AEN: variants seen among roughly 807,000 people sequenced by gnomAD.
AEN encodes the protein apoptosis-enhancing nuclease.
Under a neutral mutation model 17.7 loss-of-function variants are expected in AEN, and 21 were observed. The ratio of observed to expected loss-of-function variants is 1.19; its 90% CI spans 0.84 to 1.71. AEN has a LOEUF of 1.71. Among genes scored for constraint, AEN ranks in the 40% most tolerant of loss-of-function variants. The pLI, the probability that AEN is intolerant of heterozygous loss-of-function variation, is 0.00. For missense variants in AEN, 462 were observed against 435.9 expected (o/e 1.06, Z -0.53); for synonymous variants, 190 against 173.0 (o/e 1.10, Z -0.77).
chr15:88,606,271 C>T, the AEN span, among the ~76,000 whole-genome samples: 1 of 152,118 alleles, frequency 6.6e-6, no homozygotes, highest in South Asian at 2.1e-4. Context: ...TCTCTGTATG[C>T]CTTAATAGGA....
chr15:88,607,871 C>T, the AEN span, among the ~76,000 whole-genome samples: 1 of 152,116 alleles, frequency 6.6e-6, no homozygotes, highest in Non-Finnish European at 1.5e-5. Context: ...GCTTTTCTCT[C>T]CCATGTTACT....
chr15:88,607,257 C>T, the AEN span, among the ~76,000 whole-genome samples: 2 of 152,082 alleles, frequency 1.3e-5, no homozygotes, highest in East Asian at 1.9e-4. Context: ...TCCCCAGCAT[C>T]GCCTTCATAA....
chr15:88,625,075 G>A (rs988267194), intron 1 of AEN, among the ~76,000 whole-genome samples: 3 of 152,202 alleles, frequency 2.0e-5, no homozygotes, highest in Non-Finnish European at 2.9e-5. Context: ...AGCAATGAAC[G>A]ACAGCACCTC....
Position 88,629,352 on chromosome 15 carries a change from G to T in AEN, c.667G>T (p.Glu223Ter), listed in dbSNP as rs552611117. 1.2e-6 allele frequency: 2 copies of T among 1,613,942 alleles called. No homozygotes were observed. The highest frequency in any genetic ancestry group is 1.7e-5 in the Admixed American group (1 of 60,004). ...GACCTATGTCCCAAACTTCCTCAGC[G>T]AGCCCGGCCTCCACACCCGGGCCCG... Reference protein sequence around the residue: ...DTTYVPNFLSEPGLHTRARVS... With the variant: ...DTTYVPNFLS Residue 223 changes from glutamate to a stop codon, truncating the protein, a stop_gained, in exon 3 of 4, where the codon GAG becomes TAG. Transcript: ENST00000332810. LOFTEE classifies it high-confidence loss of function.
chr15:88,614,332 T>TCGG, the AEN span, among the ~76,000 whole-genome samples: 2 of 152,030 alleles, frequency 1.3e-5, no homozygotes, highest in African/African-American at 4.8e-5. Flanking sequence ...CCCGATCAGA[T>TCGG]GAGACTACAG....
chr15:88,613,241 C>G, the AEN span, among the ~76,000 whole-genome samples: 1 of 152,144 alleles, frequency 6.6e-6, no homozygotes, highest in Non-Finnish European at 1.5e-5. Flanking sequence ...TCACTTCTAC[C>G]CAGAGACTTT....
At chr15:88,629,592 C>T (rs1251329382) in intron 3 of AEN, among the ~76,000 whole-genome samples, 166 bp downstream of exon 3, 2 of 152,216 alleles carry the variant, frequency 1.3e-5, no homozygotes, top group Non-Finnish European at 2.9e-5. Context: ...GTACACGCAG[C>T]TCCAGGTGTT....
At chr15:88,610,208 G>A in the AEN span, among the ~76,000 whole-genome samples, 4 of 152,014 alleles carry the variant, frequency 2.6e-5, no homozygotes, top group Non-Finnish European at 5.9e-5. Flanking sequence ...ACCTTAGTTA[G>A]CATTGTTCTC....
intron 1 of AEN, among the ~76,000 whole-genome samples, chr15:88,622,089 G>T (rs983197555): frequency 4.6e-5 from 7 of 152,148 alleles, no homozygotes; most frequent in African/African-American, 1.7e-4. Context: ...CTGCCCTCTT[G>T]ATCAGCCAGC....
At position 88,630,984 on chromosome 15, in the gene AEN, T is replaced by G. The variant is rs1350264246; in HGVS notation, c.*690T>G. 1.0e-5 allele frequency: 4 copies of G among 387,038 alleles called. No homozygotes were observed. Among genetic ancestry groups the G allele is most frequent in the Non-Finnish European group, 2.1e-5 (4 of 186,252 alleles). The allele number at this position is 387,038 out of a possible 1,614,324, so 24.0% of individuals were successfully genotyped here. A position where few individuals can be genotyped will look rare whatever the true frequency, so the allele number is the denominator to read the frequency against. On this transcript the variant is annotated 3_prime_UTR_variant, in exon 4 of 4. Transcript: ENST00000332810. This position sits in a 1 kb window ranked among gnomAD's most constrained non-coding sequence, Gnocchi z 5.1. ...CACAGGCTTCTCGTGGGGAGTTGGCTCCTTAACATTTCTTGGCAACAGAAA... is the reference window on the plus strand; with the variant it reads ...CACAGGCTTCTCGTGGGGAGTTGGCGCCTTAACATTTCTTGGCAACAGAAA...
chr15:88,607,430 G>A, the AEN span, among the ~76,000 whole-genome samples: 1 of 152,312 alleles, frequency 6.6e-6, no homozygotes, highest in Non-Finnish European at 1.5e-5. Context: ...AAAGGCAGCT[G>A]TAACATTCTC....
chr15:88,610,858 G>A, the AEN span, among the ~76,000 whole-genome samples: 1 of 152,214 alleles, frequency 6.6e-6, no homozygotes, highest in Non-Finnish European at 1.5e-5. Context: ...GCTAATTAAG[G>A]AGCGGATGTG....
upstream of AEN, among the ~76,000 whole-genome samples, chr15:88,617,665 A>G (rs1225934521): frequency 6.6e-6 from 1 of 151,566 alleles, no homozygotes; most frequent in Non-Finnish European, 1.5e-5. Context: ...CCCCACCTCA[A>G]CCCCGTCTCT....
chr15:88,622,197 A>G (rs923918927), intron 1 of AEN, among the ~76,000 whole-genome samples: 1 of 151,630 alleles, frequency 6.6e-6, no homozygotes, highest in Non-Finnish European at 1.5e-5. Flanking sequence ...TCTTTAGGCC[A>G]GACCCCCTCC....
At chr15:88,612,447 C>A in the AEN span, among the ~76,000 whole-genome samples, 17 of 152,162 alleles carry the variant, frequency 1.1e-4, no homozygotes, top group African/African-American at 3.9e-4. Context: ...GGTCCCAGTA[C>A]CTGCCTCTGT....
the AEN span, among the ~76,000 whole-genome samples, chr15:88,614,810 C>T: frequency 1.3e-5 from 2 of 152,196 alleles, no homozygotes; most frequent in Non-Finnish European, 2.9e-5. Context: ...GGCCCCACCC[C>T]AGACCAGTTA....
At chr15:88,624,864 C>T (rs781018639) in intron 1 of AEN, among the ~76,000 whole-genome samples, 11 of 141,176 alleles carry the variant, frequency 7.8e-5, no homozygotes, top group Non-Finnish European at 1.1e-4. Context: ...GCCTGGGTAA[C>T]GAGAACGAAA....
Position 88,630,058 on chromosome 15 carries a change from G to T in AEN, c.742G>T (p.Val248Leu). The change falls in exon 4 of 4, where the codon GTG becomes TTG. Residue 248 changes from valine to leucine, a missense_variant and splice_region_variant. Coordinates refer to ENST00000332810, the MANE Select transcript of AEN (RefSeq NM_022767.4). The surrounding 1 kb of genome is among the most constrained non-coding windows in gnomAD (Gnocchi z 5.1). ...ALQLLHKKIQ[V>L]GQHGHSSVED... ...GTGATGTGTTGGCTCTCGTCAGTAG[G>T]TGGGCCAGCACGGGCACTCATCAGT... 1 of 1,614,002 alleles carries T rather than the reference G, an allele frequency of 6.2e-7. No homozygotes were observed. Among genetic ancestry groups the T allele is most frequent in the Non-Finnish European group, 8.5e-7 (1 of 1,179,990 alleles).
At chr15:88,616,249 A>G in the AEN span, among the ~76,000 whole-genome samples, 1 of 152,124 alleles carries the variant, frequency 6.6e-6, no homozygotes, top group Non-Finnish European at 1.5e-5. Flanking sequence ...AAGTGTCACC[A>G]TGCCCGTCTA....
Sources: gnomAD v4.1 joint callset for allele counts (sites outside exome capture counted in the v4.1 genomes callset) on GRCh38, gnomAD v4.1.1 for gene constraint, Gnocchi (gnomAD v3.1) non-coding constraint, MANE v1.5 for transcripts, NCBI Gene and HGNC (gene_info 2026-07-23, HGNC 2026-07-21) for gene names.